The following SDCCAG8 variants were observed in gnomAD, a reference collection of about 807,000 sequenced individuals.
SDCCAG8 encodes SHH signaling and ciliogenesis regulator SDCCAG8.
In SDCCAG8, 74 loss-of-function variants were observed where a neutral mutation model predicts 101.8. The ratio of observed to expected loss-of-function variants is 0.73; its 90% CI spans 0.60 to 0.88. The LOEUF (loss-of-function observed/expected upper bound fraction) is 0.88, where lower values mean the gene tolerates loss of function less well. Ranked by LOEUF, SDCCAG8 falls within the 40% of genes least tolerant of loss-of-function variation. The probability of loss-of-function intolerance (pLI) is 0.00; values close to 1 mark genes in which losing one functional copy is unlikely to be tolerated. For synonymous variants in SDCCAG8, 281 were observed against 292.9 expected, an observed-to-expected ratio of 0.96 and a Z score of 0.41; for missense variants, 787 against 822.6, an observed-to-expected ratio of 0.96 and a Z score of 0.53.
chr1:243,487,068 G>T (rs961321928), intron 16 of SDCCAG8, among the ~76,000 whole-genome samples: 1 of 152,204 alleles, frequency 6.6e-6, no homozygotes, highest in Non-Finnish European at 1.5e-5. Context: ...GCATCAGATT[G>T]TCTGCTTCTC....
At chr1:243,421,191 A>T (rs1246649344) in intron 15 of SDCCAG8, among the ~76,000 whole-genome samples, 1 of 152,192 alleles carries the variant, frequency 6.6e-6, no homozygotes, top group East Asian at 1.9e-4. Context: ...ATTAAGACAT[A>T]TTTTTCCTTC....
chr1:243,415,074 C>A (rs980094203), intron 13 of SDCCAG8, among the ~76,000 whole-genome samples: 2 of 152,126 alleles, frequency 1.3e-5, no homozygotes, highest in African/African-American at 4.8e-5. Flanking sequence ...TTTCATCCTG[C>A]AATTTCTTTC....
At chr1:243,393,991 A>C (rs1282159542) in intron 13 of SDCCAG8, among the ~76,000 whole-genome samples, 1 of 152,220 alleles carries the variant, frequency 6.6e-6, no homozygotes, top group Admixed American at 6.5e-5. Context: ...AAACCAACTC[A>C]TTCTGCAAAT....
intron 13 of SDCCAG8, among the ~76,000 whole-genome samples, chr1:243,413,913 G>T (rs529882808): frequency 6.6e-6 from 1 of 152,046 alleles, no homozygotes; most frequent in South Asian, 2.1e-4. Flanking sequence ...GCCTCCTCTC[G>T]TAAGACTTAA....
intron 16 of SDCCAG8, among the ~76,000 whole-genome samples, chr1:243,480,175 A>G (rs1663177064): frequency 6.7e-6 from 1 of 150,164 alleles, no homozygotes; most frequent in Non-Finnish European, 1.5e-5. Context: ...TGTTGCGGGG[A>G]GTATGGATTC....
At chr1:243,270,068 T>C in intron 1 of SDCCAG8, 37 bp from the exon 2 acceptor site, 6 of 1,614,108 alleles carry the variant, frequency 3.7e-6, no homozygotes, top group Non-Finnish European at 5.1e-6. Context: ...TCAACCAGAC[T>C]CCATGGGTCC....
chr1:243,418,265 T>C (rs1323999150), intron 15 of SDCCAG8, among the ~76,000 whole-genome samples, 189 bp downstream of exon 15: 1 of 152,226 alleles, frequency 6.6e-6, no homozygotes, highest in Non-Finnish European at 1.5e-5. Context: ...TGTTTTTTCA[T>C]GGTTATGTGT....
intron 16 of SDCCAG8, among the ~76,000 whole-genome samples, chr1:243,460,674 G>A (rs181571614): frequency 1.3e-5 from 2 of 152,332 alleles, no homozygotes; most frequent in African/African-American, 2.4e-5. Flanking sequence ...TGAAGAAAGA[G>A]ATGGAAATAC....
chr1:243,286,030 A>G (rs577391052), intron 4 of SDCCAG8, among the ~76,000 whole-genome samples: 1 of 152,352 alleles, frequency 6.6e-6, no homozygotes, highest in Admixed American at 6.5e-5. Flanking sequence ...GGAGAAAAGG[A>G]AATTGTCAGA....
intron 1 of SDCCAG8, among the ~76,000 whole-genome samples, chr1:243,259,232 T>C (rs1415757877): frequency 1.3e-5 from 2 of 150,524 alleles, no homozygotes; most frequent in African/African-American, 4.9e-5. Context: ...AAACCCCGTC[T>C]GTACTAAAAA....
At chr1:243,366,964 T>C (rs929621341) in intron 12 of SDCCAG8, among the ~76,000 whole-genome samples, 1 of 152,096 alleles carries the variant, frequency 6.6e-6, no homozygotes, top group Admixed American at 6.6e-5. Context: ...TTGTATTGAA[T>C]TGAGAGCTTG....
chr1:243,385,155 G>A (rs1337780331), intron 13 of SDCCAG8, among the ~76,000 whole-genome samples: 3 of 152,134 alleles, frequency 2.0e-5, no homozygotes, highest in African/African-American at 7.2e-5. Context: ...TTGGGAGGCT[G>A]AGGCGGGCAG....
intron 16 of SDCCAG8, among the ~76,000 whole-genome samples, chr1:243,484,581 GGCTTCTC>G (rs1664397671): frequency 6.6e-6 from 1 of 152,330 alleles, no homozygotes; most frequent in East Asian, 1.9e-4. Flanking sequence ...AGCCCTCCCA[GGCTTCTC>G]ATCTGCAATA....
chr1:243,476,161 C>T (rs1156690324), intron 16 of SDCCAG8: 2 of 985,344 alleles, frequency 2.0e-6, no homozygotes, highest in Non-Finnish European at 2.4e-6. Context: ...CTGAGTCACT[C>T]TGTTCAGCTC....
At chr1:243,332,463 T>A (rs916752975) in intron 10 of SDCCAG8, among the ~76,000 whole-genome samples, 5 of 150,942 alleles carry the variant, frequency 3.3e-5, no homozygotes, top group African/African-American at 1.2e-4. Flanking sequence ...GGTCTGGAGG[T>A]GATTATCATA....
intron 16 of SDCCAG8, among the ~76,000 whole-genome samples, chr1:243,436,795 C>A (rs1047469132): frequency 6.6e-6 from 1 of 152,040 alleles, no homozygotes; most frequent in African/African-American, 2.4e-5. Context: ...GTGGATAATA[C>A]AAAAATATTC....
intron 12 of SDCCAG8, among the ~76,000 whole-genome samples, chr1:243,356,889 A>G (rs925174432): frequency 6.6e-6 from 1 of 152,132 alleles, no homozygotes. Flanking sequence ...TTCCAGCTAC[A>G]TGGGAGGCTG....
chr1:243,382,260 T>C (rs2147916288), intron 13 of SDCCAG8, among the ~76,000 whole-genome samples: 1 of 152,228 alleles, frequency 6.6e-6, no homozygotes, highest in Non-Finnish European at 1.5e-5. Context: ...GGAGCTGGAC[T>C]CAGAGAGCAG....
intron 13 of SDCCAG8, among the ~76,000 whole-genome samples, chr1:243,393,832 C>T (rs2078875706): frequency 6.6e-6 from 1 of 152,160 alleles, no homozygotes; most frequent in Non-Finnish European, 1.5e-5. Flanking sequence ...CCATGTGATA[C>T]AGGCATTTCT....
Sources: allele counts gnomAD v4.1 joint callset (sites outside exome capture counted in the v4.1 genomes callset), GRCh38; gene constraint gnomAD v4.1.1; transcripts MANE v1.5; gene names NCBI Gene and HGNC (gene_info 2026-07-23, HGNC 2026-07-21).